The following ABCC8 variants were observed in gnomAD, a reference collection of about 807,000 sequenced individuals.
ABCC8 encodes the protein ATP-binding cassette sub-family C member 8.
Under a neutral mutation model 188.0 loss-of-function variants are expected in ABCC8, and 137 were observed. The ratio of observed to expected loss-of-function variants is 0.73; its 90% CI spans 0.63 to 0.84. The LOEUF (loss-of-function observed/expected upper bound fraction) is 0.84, where lower values mean the gene tolerates loss of function less well. Among genes scored for constraint, ABCC8 ranks in the 40% least tolerant of loss-of-function variants. The pLI is 0.00. For synonymous variants in ABCC8, 797 were observed against 846.5 expected (o/e 0.94, Z 1.01); for missense variants, 1,750 against 2,072.7 (o/e 0.84, Z 3.02).
intron 8 of ABCC8, among the ~76,000 whole-genome samples, chr11:17,446,697 G>A (rs1266036400): frequency 6.6e-6 from 1 of 152,164 alleles, no homozygotes; most frequent in Non-Finnish European, 1.5e-5. Flanking sequence ...GGCAGTCTGG[G>A]CATGGGTAGG....
chr11:17,422,374 A>G (rs770017574), intron 16 of ABCC8, among the ~76,000 whole-genome samples: 19 of 152,118 alleles, frequency 1.2e-4, no homozygotes, highest in Non-Finnish European at 2.6e-4. Context: ...TGTCATAAGC[A>G]TGATCCTTCT....
At position 17,460,507 on chromosome 11, in the gene ABCC8, T is replaced by C; in HGVS notation, c.992A>G (p.Asn331Ser). The change falls in exon 6 of 39, where the codon AAC (asparagine) becomes AGC (serine). Residue 331 changes from asparagine (N) to serine (S), a missense_variant. Transcript: ENST00000389817. ...GCCTACCTTGGGCTGGAAGACGTCG[T>C]TCTCCTTCCCAAGGTGGTCCACGAT... is the stretch of plus-strand genomic sequence containing the variant. ...FGIVDHLGKENDVFQPKTQFL... is the reference protein window; with the variant it reads ...FGIVDHLGKESDVFQPKTQFL... 1 of 1,614,158 alleles carries C rather than the reference T, an allele frequency of 6.2e-7. No homozygotes were observed. Among genetic ancestry groups the C allele is most frequent in the Non-Finnish European group, 8.5e-7 (1 of 1,180,026 alleles).
chr11:17,428,050 C>A, intron 14 of ABCC8, 108 bp from the exon 15 acceptor site: 1 of 1,586,700 alleles, frequency 6.3e-7, no homozygotes, highest in East Asian at 2.3e-5. Flanking sequence ...ACACTGATTC[C>A]AGCCCCTGGA....
At chr11:17,474,127 G>A (rs972400511) in intron 2 of ABCC8, among the ~76,000 whole-genome samples, 1 of 152,174 alleles carries the variant, frequency 6.6e-6, no homozygotes, top group Non-Finnish European at 1.5e-5. Context: ...CATGGAGCTT[G>A]CCCAATTCTG....
rs187489321 is a variant in ABCC8, at chr11:17,450,599, A to G, written c.1177-1928T>C. 1.2e-3 allele frequency among the ~76,000 whole-genome samples: 170 copies of G among 140,268 alleles called. 1 individual carries two copies. In the Middle Eastern group the frequency reaches 0.013, roughly 11 times the overall value. The allele number at this position is 140,268 out of a possible 152,430, so 92.0% of individuals were successfully genotyped here. A position where few individuals can be genotyped will look rare whatever the true frequency, so the allele number is the denominator to read the frequency against. On this transcript the variant is annotated intron_variant, in intron 7 of 38. Transcript: ENST00000389817. ...TTTTTAGTAGAGACGGGGTTTCACC[A>G]TGTTAGCCAGGATGGTCTCGATCTC...
In ABCC8 at chr11:17,404,501, G is replaced by A; in HGVS notation, c.3557+11C>T. ...AAAGCACCTCCCACCCCTCACCCCT[G>A]AGGCCATCACCTGGACGCCACCCGG... On this transcript the variant is annotated intron_variant, in intron 28 of 38. Transcript: ENST00000389817. The surrounding 1 kb of genome is among the most constrained non-coding windows in gnomAD (Gnocchi z 4.7). The A allele has an allele frequency of 6.2e-7, 1 of 1,612,904 alleles. No individual in the cohort carries two copies. The highest frequency in any genetic ancestry group is 8.5e-7 in the Non-Finnish European group (1 of 1,179,058).
At chr11:17,437,091 C>CAAAAAAA (rs71047551) in intron 10 of ABCC8, among the ~76,000 whole-genome samples, 2 of 55,092 alleles carry the variant, frequency 3.6e-5, no homozygotes, top group Admixed American at 2.7e-4. Context: ...AACTCTGTCT[C>CAAAAAAA]AAAAAAAAAA....
Position 17,405,658 on chromosome 11 carries a change from T to C in ABCC8, c.3330-95A>G, listed in dbSNP as rs2133442375. On this transcript the variant is annotated intron_variant, in intron 26 of 38. Transcript: ENST00000389817. The stretch of plus-strand genomic sequence containing the variant: ...GTTAATTATTTCATGTAAGTGTCTC[T>C]GGAGTCATTCATGGGTCTGGCATCC... 6 of 1,597,272 alleles carry C rather than the reference T, an allele frequency of 3.8e-6. No individual in the cohort carries two copies. In the East Asian group the frequency reaches 1.3e-4, roughly 36 times the overall value.
rs764051832 is a variant in ABCC8, at chr11:17,405,549, G to T, written c.3344C>A (p.Thr1115Lys). Residue 1115 changes from threonine to lysine, a missense_variant, in exon 27 of 39, where the codon ACG becomes AAG. Coordinates refer to ENST00000389817, the MANE Select transcript of ABCC8 (RefSeq NM_000352.6). The part of the protein sequence containing the change: ...ILAPMRFFET[T>K]PLGSILNRFS... ...TCTGTTCAGGATGCTCCCAAGGGGC[G>T]TGGTCTCAAAAAACCTAAGAGGCAG... 1 of 1,614,252 alleles carries T rather than the reference G, an allele frequency of 6.2e-7. No individual in the cohort carries two copies. Among genetic ancestry groups the T allele is most frequent in the South Asian group, 1.1e-5 (1 of 91,086 alleles).
chr11:17,468,220 G>T (rs1036130213), intron 3 of ABCC8, among the ~76,000 whole-genome samples: 5 of 152,218 alleles, frequency 3.3e-5, no homozygotes, highest in Non-Finnish European at 7.3e-5. Context: ...CAGAAAGGCA[G>T]ACCTGTGACT....
intron 13 of ABCC8, 75 bp from the exon 14 acceptor site, chr11:17,428,480 A>C: frequency 6.2e-7 from 1 of 1,602,784 alleles, no homozygotes; most frequent in Non-Finnish European, 8.5e-7. Flanking sequence ...TCCTGGGAAA[A>C]AAGGCAGAAG....
In ABCC8 at chr11:17,414,293, A is replaced by G. The variant is rs4148632; in HGVS notation, c.2390+219T>C. ...CAGCGGGGCTCTCTCCCTTCCCTCC[A>G]TTCCTGCCCTCTCCCCTATGGGAGC... is the stretch of plus-strand genomic sequence containing the variant. On this transcript the variant is annotated intron_variant, in intron 19 of 38. Transcript: ENST00000389817. Among the ~76,000 whole-genome samples, 135,818 of 152,234 alleles carry G rather than the reference A, an allele frequency of 0.89. 60,851 individuals carry two copies. Among genetic ancestry groups the G allele is most frequent in the African/African-American group, 0.97 (40,128 of 41,562 alleles).
chr11:17,465,069 A>G (rs572608940), intron 3 of ABCC8, among the ~76,000 whole-genome samples: 1 of 152,294 alleles, frequency 6.6e-6, no homozygotes, highest in South Asian at 2.1e-4. Flanking sequence ...GATGCCATCC[A>G]CCTTGGGTCC....
chr11:17,468,071 GCT>G (rs1273370133), intron 3 of ABCC8, among the ~76,000 whole-genome samples: 4 of 152,166 alleles, frequency 2.6e-5, no homozygotes, highest in Non-Finnish European at 4.4e-5. Flanking sequence ...AAGCAGGGTG[GCT>G]CTCTGAAGCC....
chr11:17,397,492 C>T (rs1954000392), intron 31 of ABCC8, 179 bp from the exon 32 acceptor site: 2 of 1,435,260 alleles, frequency 1.4e-6, no homozygotes, highest in Admixed American at 2.0e-5. Flanking sequence ...CATGTGGCTC[C>T]CCAACCTCCA....
chr11:17,474,130 C>G (rs1423081573), intron 2 of ABCC8, among the ~76,000 whole-genome samples: 1 of 152,184 alleles, frequency 6.6e-6, no homozygotes, highest in Admixed American at 6.5e-5. Flanking sequence ...GGAGCTTGCC[C>G]AATTCTGCCT....
At chr11:17,395,019 TG>T in intron 36 of ABCC8, 152 bp downstream of exon 36, 2 of 989,162 alleles carry the variant, frequency 2.0e-6, no homozygotes, top group Non-Finnish European at 3.0e-6. Context: ...CTGACCTCTC[TG>T]GGCCCCCGTA....
In ABCC8 at chr11:17,407,337, A is replaced by G; in HGVS notation, c.2920+17T>C. ...GACCTCAGGCCATAATTTCACTCCC[A>G]GTCCCATTGCCTGTACCTTCCTCCT... On this transcript the variant is annotated intron_variant, in intron 24 of 38. Coordinates refer to ENST00000389817, the MANE Select transcript of ABCC8 (RefSeq NM_000352.6). 1 of 1,614,150 alleles carries G rather than the reference A, an allele frequency of 6.2e-7. No homozygotes were observed. The highest frequency in any genetic ancestry group is 8.5e-7 in the Non-Finnish European group (1 of 1,180,030).
chr11:17,402,872 C>T (rs1015708506), intron 28 of ABCC8, 119 bp from the exon 29 acceptor site: 2 of 1,240,652 alleles, frequency 1.6e-6, no homozygotes, highest in Non-Finnish European at 2.3e-6. Flanking sequence ...CTCTAGGCCT[C>T]AGCTTCTTAC....
Sources: allele counts gnomAD v4.1 joint callset (sites outside exome capture counted in the v4.1 genomes callset), GRCh38; gene constraint gnomAD v4.1.1; non-coding constraint Gnocchi (gnomAD v3.1); transcripts MANE v1.5; gene names NCBI Gene and HGNC (gene_info 2026-07-23, HGNC 2026-07-21).